The following TTLL7 variants were observed in gnomAD, a reference collection of about 807,000 sequenced individuals.
TTLL7 encodes tubulin tyrosine ligase like 7.
A neutral mutation model predicts 120.2 loss-of-function variants in TTLL7; 53 were observed. That is an observed-to-expected ratio of 0.44 (90% CI 0.35 to 0.55). The LOEUF is 0.55. TTLL7 is among the 20% of genes least tolerant of loss of function. The probability of loss-of-function intolerance (pLI) is 0.00; values close to 1 mark genes in which losing one functional copy is unlikely to be tolerated. For synonymous variants in TTLL7, 353 were observed against 351.7 expected (o/e 1.00, Z -0.04); for missense variants, 803 against 1,054.7 (o/e 0.76, Z 3.31).
intron 20 of TTLL7, chr1:83,882,535 TTTGGTA>T (rs1460395225): frequency 2.6e-5 from 4 of 152,398 alleles, no homozygotes; most frequent in African/African-American, 9.6e-5. Flanking sequence ...CTCCTACATA[TTTGGTA>T]ATGAAAGGAA....
At chr1:83,985,995 A>C (rs1652403311) in intron 1 of TTLL7, among the ~76,000 whole-genome samples, 1 of 152,220 alleles carries the variant, frequency 6.6e-6, no homozygotes. Context: ...TCAATGAAGA[A>C]TTAACACCAT....
At chr1:83,956,280 A>T (rs1649502380) in intron 1 of TTLL7, among the ~76,000 whole-genome samples, 1 of 149,432 alleles carries the variant, frequency 6.7e-6, no homozygotes. Flanking sequence ...TTATTTATTT[A>T]TTTATGTATT....
intron 1 of TTLL7, among the ~76,000 whole-genome samples, chr1:83,976,031 CTCTGTGTGTGTG>C (rs1254315069): frequency 2.2e-4 from 14 of 64,332 alleles, no homozygotes; most frequent in South Asian, 5.6e-4. Flanking sequence ...TTTTGTCTCT[CTCTGTGTGTGTG>C]TGTGTGTGTG....
intron 10 of TTLL7, 49 bp downstream of exon 10, chr1:83,929,087 T>C: frequency 8.2e-7 from 1 of 1,218,788 alleles, no homozygotes. Flanking sequence ...ATGATTAATC[T>C]ATGTCAAATG....
intron 20 of TTLL7, among the ~76,000 whole-genome samples, chr1:83,881,488 T>A (rs999297316): frequency 6.6e-6 from 1 of 151,818 alleles, no homozygotes; most frequent in African/African-American, 2.4e-5. Flanking sequence ...CATGAAAAAA[T>A]GCTCACCATC....
intron 1 of TTLL7, among the ~76,000 whole-genome samples, chr1:83,975,112 T>C (rs975757928): frequency 6.6e-5 from 10 of 152,256 alleles, no homozygotes; most frequent in Non-Finnish European, 1.0e-4. Flanking sequence ...AGCTATACAT[T>C]AGTTGATATT....
intron 8 of TTLL7, among the ~76,000 whole-genome samples, chr1:83,934,521 T>C (rs956196279): frequency 2.0e-5 from 3 of 152,212 alleles, no homozygotes; most frequent in African/African-American, 7.2e-5. Flanking sequence ...CTGAGAAGAC[T>C]GTTACCAATT....
At chr1:83,983,942 T>G (rs149158477) in intron 1 of TTLL7, 1 of 152,214 alleles carries the variant, frequency 6.6e-6, no homozygotes, top group African/African-American at 2.4e-5. Flanking sequence ...ATAAACAAAA[T>G]TAGCTGAGTA....
At chr1:83,892,767 C>T (rs1461202712) in intron 18 of TTLL7, among the ~76,000 whole-genome samples, 1 of 149,928 alleles carries the variant, frequency 6.7e-6, no homozygotes, top group African/African-American at 2.5e-5. Context: ...TATATATGAG[C>T]GCATATGTGA....
chr1:83,931,926 A>C (rs1659635557), intron 9 of TTLL7, among the ~76,000 whole-genome samples: 1 of 152,224 alleles, frequency 6.6e-6, no homozygotes, highest in African/African-American at 2.4e-5. Context: ...GCAAAACACA[A>C]GGCAAGATTG....
chr1:83,921,949 T>G (rs10465746), intron 10 of TTLL7, among the ~76,000 whole-genome samples: 66,625 of 151,948 alleles, frequency 0.44, 15,863 homozygotes, highest in Non-Finnish European at 0.54. Flanking sequence ...TTCCCATTTT[T>G]TACTCAATTA....
At chr1:83,885,531 T>C (rs901676180) in intron 19 of TTLL7, among the ~76,000 whole-genome samples, 3 of 152,066 alleles carry the variant, frequency 2.0e-5, no homozygotes, top group African/African-American at 7.2e-5. Context: ...AATAAATATA[T>C]GAATCAAGGT....
At chr1:83,987,362 G>A (rs1005408262) in intron 1 of TTLL7, among the ~76,000 whole-genome samples, 14 of 152,014 alleles carry the variant, frequency 9.2e-5, no homozygotes, top group South Asian at 4.1e-4. Context: ...AAGAAGCAAC[G>A]CAGTGATGAT....
chr1:83,949,945 C>T lies in TTLL7; in HGVS notation c.199G>A (p.Asp67Asn). ...IDEMGFMKTP[D>N]EDETSNLIWC... Reference sequence around the variant, plus strand: ...ATAAGATTACTTGTTTCATCCTCATCTGGAGTTTTCATAAATCCCATTTCA... The same window carrying T: ...ATAAGATTACTTGTTTCATCCTCATTTGGAGTTTTCATAAATCCCATTTCA... The change falls in exon 4 of 21, where the codon GAT becomes AAT. Residue 67 changes from aspartate to asparagine, a missense_variant. Asp to Asn is a conservative substitution (Grantham distance 23). This residue lies in a region of TTLL7 where 91 missense variants were observed against 96.6 expected (regional missense o/e 0.94). Transcript: ENST00000260505. 3 of 1,613,546 alleles carry T rather than the reference C, an allele frequency of 1.9e-6. No homozygotes were observed. The East Asian group carries it at 6.7e-5, about 36-fold the overall frequency.
chr1:83,989,160 C>T (rs1222164207), intron 1 of TTLL7, among the ~76,000 whole-genome samples: 1 of 152,132 alleles, frequency 6.6e-6, no homozygotes, highest in Non-Finnish European at 1.5e-5. Flanking sequence ...GTTTATTTTG[C>T]CGTACAGAAG....
chr1:83,907,944 C>A (rs761066919), intron 15 of TTLL7, among the ~76,000 whole-genome samples: 1 of 151,942 alleles, frequency 6.6e-6, no homozygotes, highest in African/African-American at 2.4e-5. Context: ...CTAAGAGAAC[C>A]AGAAGAAAGG....
intron 9 of TTLL7, among the ~76,000 whole-genome samples, chr1:83,930,864 T>C (rs1394316228): frequency 6.6e-6 from 1 of 152,086 alleles, no homozygotes; most frequent in Non-Finnish European, 1.5e-5. Flanking sequence ...TCTCTCTCCT[T>C]ACCTATTTCA....
At position 83,900,615 on chromosome 1, in the gene TTLL7, C is replaced by T. The variant is rs113103442; in HGVS notation, c.2208+3464G>A. 2.5e-3 allele frequency among the ~76,000 whole-genome samples: 381 copies of T among 152,088 alleles called. 3 individuals carry two copies. The highest frequency in any genetic ancestry group is 8.7e-3 in the African/African-American group (363 of 41,520). On this transcript the variant is annotated intron_variant, in intron 18 of 20. Transcript: ENST00000260505. The stretch of plus-strand genomic sequence containing the variant: ...TATTCCTACCTCAACACAAAACAAA[C>T]GCACAGCACCATTACTTCACAAGCC...
intron 1 of TTLL7, among the ~76,000 whole-genome samples, chr1:83,985,301 G>T (rs528129511): frequency 1.3e-5 from 2 of 152,274 alleles, no homozygotes; most frequent in Non-Finnish European, 1.5e-5. Flanking sequence ...GGTCCAAAGG[G>T]CAGGAGAAGC....
Sources: allele counts gnomAD v4.1 joint callset (sites outside exome capture counted in the v4.1 genomes callset), GRCh38; gene constraint gnomAD v4.1.1; regional missense constraint gnomAD v4.1.1; transcripts MANE v1.5; gene names NCBI Gene and HGNC (gene_info 2026-07-23, HGNC 2026-07-21).